Variants in GATAD2A observed in about 807,000 individuals in gnomAD.
The protein encoded by GATAD2A is transcriptional repressor p66-alpha.
A neutral mutation model predicts 68.5 loss-of-function variants in GATAD2A; 12 were observed. The ratio of observed to expected loss-of-function variants is 0.18; its 90% CI spans 0.11 to 0.28. GATAD2A has a LOEUF of 0.28. Ranked by LOEUF, GATAD2A falls within the 10% of genes least tolerant of loss-of-function variation. The pLI is 1.00. For synonymous variants in GATAD2A, 410 were observed against 375.3 expected, an observed-to-expected ratio of 1.09 and a Z score of -1.07; for missense variants, 755 against 868.5, an observed-to-expected ratio of 0.87 and a Z score of 1.64.
At chr19:19,391,429 T>C (rs932287898) in intron 1 of GATAD2A, among the ~76,000 whole-genome samples, 1 of 152,222 alleles carries the variant, frequency 6.6e-6, no homozygotes, top group African/African-American at 2.4e-5. Flanking sequence ...TAAATTTCTT[T>C]CAATTCTTTT....
In GATAD2A at chr19:19,498,536, T is replaced by C. The variant is rs776465449; in HGVS notation, c.1018T>C (p.Ser340Pro). Residue 340 changes from serine to proline, a missense_variant, in exon 8 of 12, where the codon TCT (serine) becomes CCT (proline). Ser to Pro is a moderately conservative substitution (Grantham distance 74). Coordinates refer to ENST00000683918, the MANE Select transcript of GATAD2A (RefSeq NM_001384528.1). ...SVASVVTSAE[S>P]PASRQAAAKL... ...GGCCTCTGTGGTCACCTCTGCCGAG[T>C]CTCCAGCAAGCCGACAGGCGGCCGC... 3 of 1,613,646 alleles carry C rather than the reference T, an allele frequency of 1.9e-6. No individual in the cohort carries two copies. The highest frequency in any genetic ancestry group is 2.5e-6 in the Non-Finnish European group (3 of 1,179,954).
chr19:19,475,455 G>C (rs569129252), intron 2 of GATAD2A, among the ~76,000 whole-genome samples: 1 of 147,310 alleles, frequency 6.8e-6, no homozygotes, highest in Non-Finnish European at 1.5e-5. Flanking sequence ...GCTCCGGAGC[G>C]GGGTACTCTG....
intron 2 of GATAD2A, among the ~76,000 whole-genome samples, chr19:19,467,558 T>G (rs2057970598): frequency 6.6e-6 from 1 of 152,218 alleles, no homozygotes; most frequent in Non-Finnish European, 1.5e-5. Context: ...CATTGTGAGA[T>G]TTACCCATAT....
intron 1 of GATAD2A, among the ~76,000 whole-genome samples, chr19:19,392,335 T>C (rs1431685241): frequency 3.3e-5 from 5 of 151,552 alleles, no homozygotes; most frequent in Admixed American, 6.6e-5. Flanking sequence ...TCTCTCACTT[T>C]GGCCTCCCAA....
At chr19:19,444,082 C>CT (rs1260605308) in intron 1 of GATAD2A, among the ~76,000 whole-genome samples, 1 of 152,134 alleles carries the variant, frequency 6.6e-6, no homozygotes, top group Admixed American at 6.5e-5. Context: ...GTGAATCAGG[C>CT]TTTCTGGCTT....
intron 2 of GATAD2A, among the ~76,000 whole-genome samples, chr19:19,476,941 A>G (rs571423829): frequency 6.6e-6 from 1 of 152,282 alleles, no homozygotes; most frequent in South Asian, 2.1e-4. Flanking sequence ...CTGAGGGGGC[A>G]GCTGGTGGTA....
At chr19:19,413,614 C>T (rs770587133) in intron 1 of GATAD2A, among the ~76,000 whole-genome samples, 2 of 152,124 alleles carry the variant, frequency 1.3e-5, no homozygotes, top group Non-Finnish European at 2.9e-5. Flanking sequence ...TGGAGTCTCA[C>T]TCTGTCGCTC....
Position 19,502,135 on chromosome 19 carries a change from G to T in GATAD2A, c.1578+92G>T, listed in dbSNP as rs991339984. ...GACTGTCACGCTGCCTCTTCTGTCT[G>T]TCTCTCCCTGTTTCTGTTTCACTCT... On this transcript the variant is annotated intron_variant, in intron 10 of 11. Coordinates refer to ENST00000683918, the MANE Select transcript of GATAD2A (RefSeq NM_001384528.1). 3.7e-5 allele frequency: 37 copies of T among 993,602 alleles called. 1 individual carries two copies. The South Asian group carries it at 4.9e-4, about 13-fold the overall frequency. 61.5% of individuals were successfully genotyped at this position (993,602 alleles called of 1,614,324 possible).
chr19:19,404,970 AGTTT>A, upstream of GATAD2A, among the ~76,000 whole-genome samples: 1 of 152,288 alleles, frequency 6.6e-6, no homozygotes, highest in East Asian at 1.9e-4. Context: ...CGCTTTATGT[AGTTT>A]AACATCTCCA....
chr19:19,457,155 C>T, intron 1 of GATAD2A: 1 of 985,248 alleles, frequency 1.0e-6, no homozygotes, highest in Non-Finnish European at 1.2e-6. Flanking sequence ...CTGTGACTGA[C>T]ACTCTTGCAG....
At chr19:19,460,425 C>T (rs1341737831) in intron 1 of GATAD2A, among the ~76,000 whole-genome samples, 2 of 152,224 alleles carry the variant, frequency 1.3e-5, no homozygotes, top group African/African-American at 4.8e-5. Flanking sequence ...GCGAGGCTAG[C>T]ACCTGGACCC....
intron 1 of GATAD2A, among the ~76,000 whole-genome samples, chr19:19,386,441 G>C (rs953376107): frequency 3.3e-5 from 5 of 150,570 alleles, no homozygotes; most frequent in Admixed American, 2.0e-4. Flanking sequence ...TGGGGACCCC[G>C]TCTCTCCAGG....
intron 2 of GATAD2A, among the ~76,000 whole-genome samples, chr19:19,465,886 T>C (rs1023689937): frequency 3.3e-5 from 5 of 152,166 alleles, no homozygotes; most frequent in Admixed American, 1.3e-4. Context: ...CAGTAGGCCT[T>C]TGCCACCCAC....
At chr19:19,403,779 A>G (rs1283755040), upstream of GATAD2A, among the ~76,000 whole-genome samples, 1 of 152,222 alleles carries the variant, frequency 6.6e-6, no homozygotes, top group Non-Finnish European at 1.5e-5. Flanking sequence ...CTGATTAATG[A>G]TCGTAGCATG....
chr19:19,432,289 G>GTTTTGTTTTTGT, intron 1 of GATAD2A, among the ~76,000 whole-genome samples: 1 of 151,700 alleles, frequency 6.6e-6, no homozygotes. Context: ...TTTTTGTTTT[G>GTTTTGTTTTTGT]TTTTGTTTTT....
chr19:19,442,773 A>AAT (rs1282274591), intron 1 of GATAD2A, among the ~76,000 whole-genome samples: 1 of 131,396 alleles, frequency 7.6e-6, no homozygotes, highest in East Asian at 2.0e-4. Flanking sequence ...CCCAAGCTGA[A>AAT]AAAAAAAAAA....
chr19:19,403,317 C>A (rs538381829), upstream of GATAD2A, among the ~76,000 whole-genome samples: 2 of 152,094 alleles, frequency 1.3e-5, no homozygotes, highest in Non-Finnish European at 2.9e-5. Context: ...GCCTATGGGA[C>A]CCCAAGCAGA....
intron 1 of GATAD2A, among the ~76,000 whole-genome samples, chr19:19,452,729 C>T (rs1445789621): frequency 6.6e-6 from 1 of 152,110 alleles, no homozygotes; most frequent in African/African-American, 2.4e-5. Flanking sequence ...ACACGCAGAC[C>T]TTTAGCCACC....
At chr19:19,429,934 C>G (rs11878997) in intron 1 of GATAD2A, among the ~76,000 whole-genome samples, 11 of 152,038 alleles carry the variant, frequency 7.2e-5, no homozygotes, top group Non-Finnish European at 1.5e-4. Context: ...GCTCAGGGAC[C>G]GACCTGAACA....
Sources: gnomAD v4.1 joint callset for allele counts (sites outside exome capture counted in the v4.1 genomes callset) on GRCh38, gnomAD v4.1.1 for gene constraint, MANE v1.5 for transcripts, NCBI Gene and HGNC (gene_info 2026-07-23, HGNC 2026-07-21) for gene names.